The following PCDH7 variants were observed in gnomAD, a reference collection of about 807,000 sequenced individuals.
PCDH7 encodes protocadherin-7.
In PCDH7, 17 loss-of-function variants were observed where a neutral mutation model predicts 58.9. The ratio of observed to expected loss-of-function variants is 0.29; its 90% confidence interval spans 0.20 to 0.43. The LOEUF (loss-of-function observed/expected upper bound fraction) is 0.43. PCDH7 is among the 20% of genes least tolerant of loss of function. The probability of loss-of-function intolerance (pLI) is 1.00; values close to 1 mark genes in which losing one functional copy is unlikely to be tolerated. For synonymous variants in PCDH7, 664 were observed against 616.4 expected (o/e 1.08, Z -1.14); for missense variants, 1,274 against 1,441.0 (o/e 0.88, Z 1.88).
chr4:30,961,738 T>C (rs1432684377), intron 3 of PCDH7, among the ~76,000 whole-genome samples: 1 of 152,178 alleles, frequency 6.6e-6, no homozygotes. Flanking sequence ...ACAGACTTCA[T>C]TTGCATAAAA....
downstream of PCDH7, among the ~76,000 whole-genome samples, chr4:30,736,070 T>C (rs184728777): frequency 2.0e-5 from 3 of 152,320 alleles, no homozygotes; most frequent in African/African-American, 7.2e-5. Context: ...CCGACTCCTC[T>C]CTACTGCTGT....
Position 30,721,521 on chromosome 4 carries a change from C to G in PCDH7, c.99C>G (p.Leu33=). ...TCAGCCTGGCGGCCGCCAAGCAGCT[C>G]CTCCGGTACCGGCTGGCCGAGGAGG... is the stretch of plus-strand genomic sequence containing the variant. Residue 33 remains leucine (L), a synonymous_variant, in exon 1 of 2, where the codon CTC becomes CTG. Transcript: ENST00000361762. The surrounding 1 kb of genome is among the most constrained non-coding windows in gnomAD (Gnocchi z 6.7). The G allele has an allele frequency of 6.2e-7, 1 of 1,601,544 alleles. No homozygotes were observed. The highest frequency in any genetic ancestry group is 8.5e-7 in the Non-Finnish European group (1 of 1,179,486).
At chr4:31,136,629 A>G (rs931510504) in intron 3 of PCDH7, among the ~76,000 whole-genome samples, 1 of 152,192 alleles carries the variant, frequency 6.6e-6, no homozygotes, top group Non-Finnish European at 1.5e-5. Flanking sequence ...TTAGATAACT[A>G]TAAATTTCTC....
chr4:31,055,351 A>G (rs1757066219), intron 3 of PCDH7, among the ~76,000 whole-genome samples: 1 of 152,100 alleles, frequency 6.6e-6, no homozygotes, highest in Admixed American at 6.6e-5. Flanking sequence ...AAATTTTTGA[A>G]AAACGAATTT....
intron 3 of PCDH7, among the ~76,000 whole-genome samples, chr4:31,139,894 A>T (rs1219744484): frequency 6.6e-6 from 1 of 152,204 alleles, no homozygotes; most frequent in African/African-American, 2.4e-5. Context: ...TTACTTTGGA[A>T]ATGACAGGAG....
intron 3 of PCDH7, among the ~76,000 whole-genome samples, chr4:31,025,833 C>A (rs1560584691): frequency 6.6e-6 from 1 of 152,130 alleles, no homozygotes; most frequent in Non-Finnish European, 1.5e-5. Context: ...TTTTATGGCA[C>A]CCACTGAAAG....
At chr4:31,053,065 T>C (rs1034989309) in intron 3 of PCDH7, among the ~76,000 whole-genome samples, 2 of 152,094 alleles carry the variant, frequency 1.3e-5, no homozygotes, top group African/African-American at 4.8e-5. Flanking sequence ...GATTCCTCTC[T>C]TTGCACCAGT....
At chr4:31,054,180 G>T (rs746241794) in intron 3 of PCDH7, among the ~76,000 whole-genome samples, 29 of 152,158 alleles carry the variant, frequency 1.9e-4, no homozygotes, top group Non-Finnish European at 3.8e-4. Context: ...TGCCCAGGCT[G>T]GTCTCAAACT....
At position 30,722,103 on chromosome 4, in the gene PCDH7, C is replaced by A; in HGVS notation, c.681C>A (p.Asp227Glu). 2 of 1,366,930 alleles carry A rather than the reference C, an allele frequency of 1.5e-6. No homozygotes were observed. Among genetic ancestry groups the A allele is most frequent in the Non-Finnish European group, 1.9e-6 (2 of 1,066,378 alleles). 84.7% of individuals were successfully genotyped at this position (1,366,930 alleles called of 1,614,324 possible). A position where few individuals can be genotyped will look rare whatever the true frequency, so the allele number is the denominator to read the frequency against. The change falls in exon 1 of 2, where the codon GAC (aspartate) becomes GAA (glutamate). Residue 227 changes from aspartate (D) to glutamate (E), a missense_variant. By Grantham distance (45) the Asp-to-Glu change is conservative. Around this residue, in one of 3 missense-constraint regions of PCDH7, gnomAD observed 331 missense variants for 303.2 expected, o/e 1.09. Coordinates refer to ENST00000361762, the Ensembl canonical transcript of PCDH7. This position sits in a 1 kb window ranked among gnomAD's most constrained non-coding sequence, Gnocchi z 7.6. ...CGGGAGGCTCCAAGCGGCGGCTGGA[C>A]GCATCAGAGGGCGGCGGCGGCACCA...
intron 3 of PCDH7, among the ~76,000 whole-genome samples, chr4:31,017,249 A>G (rs1464571229): frequency 6.6e-6 from 1 of 152,156 alleles, no homozygotes; most frequent in Admixed American, 6.5e-5. Flanking sequence ...AGTTAACATA[A>G]GACATAATTT....
At chr4:30,928,200 T>C (rs867347766) in intron 2 of PCDH7, among the ~76,000 whole-genome samples, 5 of 152,136 alleles carry the variant, frequency 3.3e-5, no homozygotes, top group Admixed American at 1.3e-4. Flanking sequence ...GCTAGGATCA[T>C]AGACATGAGC....
rs543446388 is a variant in PCDH7 at position 30,883,708 on chromosome 4, T to A, written c.71-36445T>A. On this transcript the variant is annotated intron_variant, in intron 1 of 3. Transcript: ENST00000509759. ...CTAGGTTAAAATCCACTAAAATGATTTCATGACTTGCTAAATTTTGTAACC... is the reference window on the plus strand; with the variant it reads ...CTAGGTTAAAATCCACTAAAATGATATCATGACTTGCTAAATTTTGTAACC... Among the ~76,000 whole-genome samples, 9 of 152,312 alleles carry A rather than the reference T, an allele frequency of 5.9e-5. No individual in the cohort carries two copies. The East Asian group carries it at 1.7e-3, about 29-fold the overall frequency.
intron 1 of PCDH7, among the ~76,000 whole-genome samples, chr4:30,815,476 T>A (rs1391563221): frequency 6.6e-6 from 1 of 152,330 alleles, no homozygotes; most frequent in South Asian, 2.1e-4. Context: ...TGGGGTTTTA[T>A]ACAATGACAT....
At chr4:31,078,575 C>T (rs2109264132) in intron 3 of PCDH7, among the ~76,000 whole-genome samples, 1 of 148,572 alleles carries the variant, frequency 6.7e-6, no homozygotes, top group Non-Finnish European at 1.5e-5. Context: ...AAGCAATGCT[C>T]CTGCTTTGGC....
At chr4:30,957,342 A>G (rs550917598) in intron 3 of PCDH7, among the ~76,000 whole-genome samples, 1 of 152,216 alleles carries the variant, frequency 6.6e-6, no homozygotes, top group Non-Finnish European at 1.5e-5. Context: ...AAATGTCTTC[A>G]GACACCAGTA....
chr4:30,977,773 A>G (rs1483973238), intron 3 of PCDH7, among the ~76,000 whole-genome samples: 1 of 152,012 alleles, frequency 6.6e-6, no homozygotes. Flanking sequence ...TAAGTCCCCA[A>G]CTTTTCCCCT....
chr4:30,722,067 C>G lies in PCDH7; in HGVS notation c.645C>G (p.Ser215Arg). The change falls in exon 1 of 2, where the codon AGC (serine) becomes AGG (arginine). Residue 215 changes from serine (S) to arginine (R), a missense_variant. Physicochemically the swap from Ser to Arg is moderately radical, Grantham distance 110. Coordinates refer to ENST00000361762, the Ensembl canonical transcript of PCDH7. The surrounding 1 kb of genome is among the most constrained non-coding windows in gnomAD (Gnocchi z 7.6). Reference sequence around the variant, plus strand: ...CCGGGGGCGGCGGGAACGGCGCGAGCGGCGGCGGCTCGGGAGGCTCCAAGC... The same window carrying G: ...CCGGGGGCGGCGGGAACGGCGCGAGGGGCGGCGGCTCGGGAGGCTCCAAGC... 1 of 1,242,084 alleles carries G rather than the reference C, an allele frequency of 8.1e-7. No homozygotes were observed. Among genetic ancestry groups the G allele is most frequent in the South Asian group, 3.6e-5 (1 of 27,696 alleles). The allele number at this position is 1,242,084 out of a possible 1,614,324, so 76.9% of individuals were successfully genotyped here. A position where few individuals can be genotyped will look rare whatever the true frequency, so the allele number is the denominator to read the frequency against.
chr4:30,853,797 G>GT (rs1263530369), intron 1 of PCDH7, among the ~76,000 whole-genome samples: 1 of 151,952 alleles, frequency 6.6e-6, no homozygotes, highest in Non-Finnish European at 1.5e-5. Context: ...ATGTAAAAAT[G>GT]TAACTACCAC....
At chr4:31,044,379 C>G (rs571998982) in intron 3 of PCDH7, among the ~76,000 whole-genome samples, 14 of 151,934 alleles carry the variant, frequency 9.2e-5, no homozygotes, top group African/African-American at 3.4e-4. Flanking sequence ...ATTTTATATC[C>G]CATATTTCTT....
Sources: allele counts gnomAD v4.1 joint callset (sites outside exome capture counted in the v4.1 genomes callset), GRCh38; gene constraint gnomAD v4.1.1; regional missense constraint gnomAD v4.1.1; non-coding constraint Gnocchi (gnomAD v3.1); transcripts MANE v1.5; gene names NCBI Gene and HGNC (gene_info 2026-07-23, HGNC 2026-07-21).